PLA2G4A: variants seen among roughly 807,000 people sequenced by gnomAD.
PLA2G4A encodes cytosolic phospholipase A2.
PLA2G4A carries 40 observed loss-of-function variants against 81.9 expected under a neutral mutation model. The observed-to-expected ratio is 0.49, with a 90% CI of 0.38 to 0.64. The LOEUF is 0.64. PLA2G4A is among the 30% of genes least tolerant of loss of function. The pLI is 0.00. For synonymous variants in PLA2G4A, 302 were observed against 296.9 expected (o/e 1.02, Z -0.18); for missense variants, 715 against 905.1 (o/e 0.79, Z 2.69).
Position 186,946,740 on chromosome 1 carries a change from G to T in PLA2G4A, c.1137G>T (p.Lys379Asn), listed in dbSNP as rs777201359. 6.2e-7 allele frequency: 1 copy of T among 1,612,256 alleles called. No homozygotes were observed. Among genetic ancestry groups the T allele is most frequent in the Admixed American group, 1.7e-5 (1 of 59,880 alleles). Residue 379 changes from lysine to asparagine, a missense_variant, in exon 11 of 18, where the codon AAG becomes AAT. Physicochemically the swap from Lys to Asn is moderately conservative, Grantham distance 94. Coordinates refer to ENST00000367466, the MANE Select transcript of PLA2G4A (RefSeq NM_024420.3). ...GSKFFMGTVV[K>N]KYEENPLHFL... Reference sequence around the variant, plus strand: ...AATTTTTTATGGGAACAGTCGTTAAGAAGTATGAAGAAAACCCCTTGCATT... The same window carrying T: ...AATTTTTTATGGGAACAGTCGTTAATAAGTATGAAGAAAACCCCTTGCATT...
chr1:186,945,767 G>A (rs1174461705), intron 10 of PLA2G4A, among the ~76,000 whole-genome samples: 2 of 152,146 alleles, frequency 1.3e-5, no homozygotes, highest in Non-Finnish European at 2.9e-5. Flanking sequence ...GAAACCAGGA[G>A]TTCTTGCTGA....
intron 12 of PLA2G4A, among the ~76,000 whole-genome samples, chr1:186,949,105 CTTT>C (rs765243574): frequency 1.3e-5 from 2 of 152,060 alleles, no homozygotes; most frequent in African/African-American, 2.4e-5. Flanking sequence ...AAAATTTACA[CTTT>C]TGAGAGATGG....
chr1:186,861,631 A>G (rs1476376827), intron 2 of PLA2G4A, among the ~76,000 whole-genome samples: 1 of 152,104 alleles, frequency 6.6e-6, no homozygotes, highest in Non-Finnish European at 1.5e-5. Flanking sequence ...GACAATCCCA[A>G]AAAGTTGGAT....
chr1:186,864,078 TA>T (rs1652923072), intron 2 of PLA2G4A, among the ~76,000 whole-genome samples: 1 of 152,118 alleles, frequency 6.6e-6, no homozygotes. Flanking sequence ...AATATGTAAC[TA>T]TTTAGCATAA....
At chr1:186,930,816 A>T (rs1414399261) in intron 7 of PLA2G4A, among the ~76,000 whole-genome samples, 1 of 152,166 alleles carries the variant, frequency 6.6e-6, no homozygotes, top group East Asian at 1.9e-4. Flanking sequence ...CTGCTACAAT[A>T]CTAAGACCCC....
At chr1:186,943,657 C>T (rs1656236837) in intron 10 of PLA2G4A, among the ~76,000 whole-genome samples, 1 of 151,912 alleles carries the variant, frequency 6.6e-6, no homozygotes, top group South Asian at 2.1e-4. Context: ...AAAAAGATAC[C>T]TTTGTGTGGA....
At position 186,911,164 on chromosome 1, in the gene PLA2G4A, C is replaced by G. The variant is rs1342435840; in HGVS notation, c.417-84C>G. 7.4e-6 allele frequency: 8 copies of G among 1,088,090 alleles called. No homozygotes were observed. The East Asian group carries it at 1.9e-4, about 26-fold the overall frequency. 67.4% of individuals were successfully genotyped at this position (1,088,090 alleles called of 1,614,324 possible). A position where few individuals can be genotyped will look rare whatever the true frequency, so the allele number is the denominator to read the frequency against. On this transcript the variant is annotated intron_variant, in intron 6 of 17. Coordinates refer to ENST00000367466, the MANE Select transcript of PLA2G4A (RefSeq NM_024420.3). ...GCAGTCAGCATATATCAGTGTAGCTCCTAGGGACCTGGAAAAGCTACCTGG... is the reference window on the plus strand; with the variant it reads ...GCAGTCAGCATATATCAGTGTAGCTGCTAGGGACCTGGAAAAGCTACCTGG...
At chr1:186,894,977 A>G (rs1654283593) in intron 5 of PLA2G4A, among the ~76,000 whole-genome samples, 1 of 152,144 alleles carries the variant, frequency 6.6e-6, no homozygotes, top group South Asian at 2.1e-4. Context: ...GTCTCTGCGC[A>G]TCTTTAGAAT....
At chr1:186,965,648 A>G (rs1263561061) in intron 15 of PLA2G4A, 55 bp downstream of exon 15, 4 of 1,251,586 alleles carry the variant, frequency 3.2e-6, no homozygotes, top group African/African-American at 1.5e-5. Context: ...TGCTTGCCTT[A>G]TAGATCTCTT....
At position 186,871,846 on chromosome 1, in the gene PLA2G4A, G is replaced by A. The variant is rs569884276; in HGVS notation, c.115+1330G>A. On this transcript the variant is annotated intron_variant, in intron 3 of 17. Transcript: ENST00000367466. ...TATGTTAAATATATTGGAGAGGAAT[G>A]TGGAAAATAGGTTTTTCTTTTTTTT... 1.6e-4 allele frequency among the ~76,000 whole-genome samples: 24 copies of A among 152,232 alleles called. No individual in the cohort carries two copies. In the East Asian group the frequency reaches 4.1e-3, roughly 26 times the overall value.
intron 7 of PLA2G4A, among the ~76,000 whole-genome samples, chr1:186,918,009 T>C (rs146123436): frequency 2.3e-3 from 351 of 152,332 alleles, no homozygotes; most frequent in African/African-American, 7.9e-3. Context: ...CCAATACGAC[T>C]GTGGCTCCCA....
intron 3 of PLA2G4A, among the ~76,000 whole-genome samples, chr1:186,886,398 A>G (rs946765870): frequency 1.3e-5 from 2 of 152,158 alleles, no homozygotes; most frequent in African/African-American, 4.8e-5. Flanking sequence ...ACTGAATCCT[A>G]ACTCCTACCT....
intron 10 of PLA2G4A, among the ~76,000 whole-genome samples, chr1:186,946,197 G>C (rs941444869): frequency 6.6e-6 from 1 of 152,134 alleles, no homozygotes; most frequent in South Asian, 2.1e-4. Flanking sequence ...CAAAATTGAA[G>C]TGAAGGTGAA....
At chr1:186,939,493 A>G (rs753358330) in intron 9 of PLA2G4A, among the ~76,000 whole-genome samples, 883 of 7,572 alleles carry the variant, frequency 0.12, 6 homozygotes, top group Middle Eastern at 0.3. Context: ...TTTTCTCTGG[A>G]AAAAAAAAAA....
Position 186,955,734 on chromosome 1 carries a change from C to CTTTTTTTTTTT in PLA2G4A, c.1337-360_1337-350dup, listed in dbSNP as rs59494152. On this transcript the variant is annotated intron_variant, in intron 13 of 17. Transcript: ENST00000367466. ...ACATTCAATTATCCAAAGAAGATCC[C>CTTTTTTTTTTT]TTTTTTTTTTTTTTTTTTAAGACAG... Among the ~76,000 whole-genome samples, 2 of 108,818 alleles carry CTTTTTTTTTTT rather than the reference C, an allele frequency of 1.8e-5. 1 individual carries two copies. 71.4% of individuals were successfully genotyped at this position (108,818 alleles called of 152,430 possible).
chr1:186,909,448 G>T (rs1654862111), intron 6 of PLA2G4A, among the ~76,000 whole-genome samples: 1 of 151,038 alleles, frequency 6.6e-6, no homozygotes, highest in Admixed American at 6.6e-5. Context: ...ATTACCCGAG[G>T]TCAGGAGTTC....
chr1:186,861,446 G>A (rs1016104222), intron 2 of PLA2G4A, among the ~76,000 whole-genome samples: 1 of 152,076 alleles, frequency 6.6e-6, no homozygotes, highest in Non-Finnish European at 1.5e-5. Context: ...GGTAGTTAAT[G>A]CTTTCCTATC....
At chr1:186,939,957 C>A in intron 9 of PLA2G4A, 23 bp from the exon 10 acceptor site, 2 of 1,081,062 alleles carry the variant, frequency 1.9e-6, no homozygotes, top group Non-Finnish European at 2.9e-6. Context: ...TTAAAGTCAT[C>A]TTTTTCTTTC....
At chr1:186,835,072 GT>G (rs1461285085) in intron 1 of PLA2G4A, among the ~76,000 whole-genome samples, 1 of 152,038 alleles carries the variant, frequency 6.6e-6, no homozygotes, top group Non-Finnish European at 1.5e-5. Context: ...ACTAGGTCAG[GT>G]TTTACTGCTG....
Sources: allele counts gnomAD v4.1 joint callset (sites outside exome capture counted in the v4.1 genomes callset), GRCh38; gene constraint gnomAD v4.1.1; transcripts MANE v1.5; gene names NCBI Gene and HGNC (gene_info 2026-07-23, HGNC 2026-07-21).